LRTM1: variants seen among roughly 807,000 people sequenced by gnomAD.
LRTM1 encodes the protein leucine rich repeat transmembrane protein 1.
A neutral mutation model predicts 32.4 loss-of-function variants in LRTM1; 38 were observed. That is an observed-to-expected ratio of 1.17 (90% CI 0.91 to 1.54). LRTM1 has a LOEUF of 1.54. LRTM1 is among the 40% of genes most tolerant of loss of function. The probability of loss-of-function intolerance (pLI) is 0.00; values close to 1 mark genes in which losing one functional copy is unlikely to be tolerated. For synonymous variants in LRTM1, 186 were observed against 169.9 expected, an observed-to-expected ratio of 1.09 and a Z score of -0.74; for missense variants, 466 against 415.4, an observed-to-expected ratio of 1.12 and a Z score of -1.06.
chr3:54,950,276 A>G (rs891780616), intron 1 of LRTM1, among the ~76,000 whole-genome samples: 9 of 152,236 alleles, frequency 5.9e-5, no homozygotes, highest in Non-Finnish European at 8.8e-5. Context: ...ACTGGCCCAA[A>G]TGAACGTAGA....
At chr3:54,966,423 G>A (rs1406722066) in intron 1 of LRTM1, among the ~76,000 whole-genome samples, 1 of 152,234 alleles carries the variant, frequency 6.6e-6, no homozygotes, top group African/African-American at 2.4e-5. Flanking sequence ...TTTGTGTTGT[G>A]TAGTCTGGCC....
intron 1 of LRTM1, among the ~76,000 whole-genome samples, chr3:54,945,004 T>C (rs965843522): frequency 1.3e-5 from 2 of 152,094 alleles, no homozygotes; most frequent in African/African-American, 4.8e-5. Flanking sequence ...TACTATTGGG[T>C]GAATCAATGA....
At position 54,925,163 on chromosome 3, in the gene LRTM1, G is replaced by T. The variant is rs754135708; in HGVS notation, c.60C>A (p.Ser20Arg). ...ACTGACAGTAACACTTGTCCGGGCAGCTGCATACCACCTGGAGCAGGACAA... is the reference window on the plus strand; with the variant it reads ...ACTGACAGTAACACTTGTCCGGGCATCTGCATACCACCTGGAGCAGGACAA... ...SVIVLLQVVC[S>R]CPDKCYCQSS... Residue 20 changes from serine to arginine, a missense_variant, in exon 2 of 3, where the codon AGC (serine) becomes AGA (arginine). Transcript: ENST00000273286. 2.5e-6 allele frequency: 4 copies of T among 1,613,968 alleles called. No individual in the cohort carries two copies. Among genetic ancestry groups the T allele is most frequent in the African/African-American group, 1.3e-5 (1 of 74,926 alleles).
intron 1 of LRTM1, among the ~76,000 whole-genome samples, chr3:54,952,413 G>A (rs1161197713): frequency 2.6e-5 from 4 of 152,178 alleles, no homozygotes; most frequent in Admixed American, 1.3e-4. Context: ...GATGTCATGA[G>A]CATCTTAGGA....
At chr3:54,922,180 TA>T (rs1700872309) in intron 2 of LRTM1, among the ~76,000 whole-genome samples, 1 of 152,130 alleles carries the variant, frequency 6.6e-6, no homozygotes, top group Admixed American at 6.5e-5. Flanking sequence ...CTCCCTGACT[TA>T]AAACTATCAG....
intron 1 of LRTM1, among the ~76,000 whole-genome samples, chr3:54,946,332 A>C (rs1300672587): frequency 2.6e-5 from 4 of 152,062 alleles, no homozygotes; most frequent in Admixed American, 2.6e-4. Context: ...AGACCACCAC[A>C]ATGGTTATTG....
upstream of LRTM1, among the ~76,000 whole-genome samples, chr3:54,931,096 A>G (rs2106956194): frequency 6.6e-6 from 1 of 152,234 alleles, no homozygotes; most frequent in South Asian, 2.1e-4. Flanking sequence ...ACTCCTTCTC[A>G]AAACAAAACA....
chr3:54,949,413 G>C (rs1467664111), intron 1 of LRTM1, among the ~76,000 whole-genome samples: 2 of 152,172 alleles, frequency 1.3e-5, no homozygotes, highest in African/African-American at 2.4e-5. Context: ...TTCCAGCTCA[G>C]CTGGAGTTCA....
exon 1 of LRTM1, chr3:54,967,066 G>A (rs554237628): frequency 1.6e-4 from 24 of 152,316 alleles, no homozygotes; most frequent in African/African-American, 2.6e-4. Context: ...CCTGGGCACC[G>A]ACATGGTGCA....
At chr3:54,928,594 C>A (rs944681899), upstream of LRTM1, among the ~76,000 whole-genome samples, 6 of 152,116 alleles carry the variant, frequency 3.9e-5, no homozygotes, top group Admixed American at 2.6e-4. Flanking sequence ...GGTCTTGATG[C>A]CCTGAAATTC....
At chr3:54,947,638 G>A (rs1212494077) in intron 1 of LRTM1, among the ~76,000 whole-genome samples, 1 of 152,090 alleles carries the variant, frequency 6.6e-6, no homozygotes, top group African/African-American at 2.4e-5. Context: ...AGACTTAGTA[G>A]CAGGCAAAGG....
chr3:54,925,258 A>T, intron 1 of LRTM1, 43 bp from the exon 2 acceptor site: 1 of 1,516,948 alleles, frequency 6.6e-7, no homozygotes, highest in Non-Finnish European at 9.1e-7. Context: ...CCAGTTTGTG[A>T]GGTGTGGTAT....
Position 54,928,034 on chromosome 3 carries a change from C to T in LRTM1, c.-123G>A. 1.1e-6 allele frequency: 1 copy of T among 885,376 alleles called. No individual in the cohort carries two copies. The allele number at this position is 885,376 out of a possible 1,614,324, so 54.8% of individuals were successfully genotyped here. A position where few individuals can be genotyped will look rare whatever the true frequency, so the allele number is the denominator to read the frequency against. ...TACATTCAGTCTTTCTGAACCCTGC[C>T]CTTGCTTTTCTTCAATGCAGAAAAC... On this transcript the variant is annotated 5_prime_UTR_variant, in exon 1 of 3. Coordinates refer to ENST00000273286, the MANE Select transcript of LRTM1 (RefSeq NM_020678.4).
intron 1 of LRTM1, among the ~76,000 whole-genome samples, chr3:54,952,181 T>C (rs1282518525): frequency 6.6e-6 from 1 of 152,196 alleles, no homozygotes. Flanking sequence ...CCTGCACCCC[T>C]GTTGGTTCTA....
In LRTM1 at chr3:54,928,009, T is replaced by TAAA; in HGVS notation, c.-99_-98insTTT. On this transcript the variant is annotated 5_prime_UTR_variant, in exon 1 of 3. An upstream open reading frame in the 5' UTR loses its in-frame stop. Transcript: ENST00000273286. Reference sequence around the variant, plus strand: ...GCATGGCAGACTCAGAGCCCAGCTTTACATTCAGTCTTTCTGAACCCTGCC... The same window carrying TAAA: ...GCATGGCAGACTCAGAGCCCAGCTTTAAAACATTCAGTCTTTCTGAACCCTGCC... 1 of 1,125,628 alleles carries TAAA rather than the reference T, an allele frequency of 8.9e-7. No individual in the cohort carries two copies. The highest frequency in any genetic ancestry group is 1.3e-6 in the Non-Finnish European group (1 of 743,076). The allele number at this position is 1,125,628 out of a possible 1,614,324, so 69.7% of individuals were successfully genotyped here. A position where few individuals can be genotyped will look rare whatever the true frequency, so the allele number is the denominator to read the frequency against.
At chr3:54,937,538 C>A (rs557916102) in intron 1 of LRTM1, among the ~76,000 whole-genome samples, 1 of 152,078 alleles carries the variant, frequency 6.6e-6, no homozygotes, top group Admixed American at 6.5e-5. Flanking sequence ...AGTTCAAACT[C>A]GTGTTGTGCA....
intron 1 of LRTM1, among the ~76,000 whole-genome samples, chr3:54,950,220 A>G (rs1172446845): frequency 6.6e-6 from 1 of 152,228 alleles, no homozygotes; most frequent in Non-Finnish European, 1.5e-5. Flanking sequence ...AAACTTCAAC[A>G]TGCTCAAGCA....
Position 54,918,530 on chromosome 3 carries a change from C to A in LRTM1, c.967G>T (p.Gly323Ter). 6.2e-7 allele frequency: 1 copy of A among 1,613,896 alleles called. No homozygotes were observed. The highest frequency in any genetic ancestry group is 1.7e-5 in the Admixed American group (1 of 59,998). ...YAAITAQYHGGPLAQTNDPGK... is the reference protein window; with the variant it reads ...YAAITAQYHG ...GGATCATTGGTTTGAGCCAAGGGTC[C>A]CCCATGGTACTGGGCTGTGATTGCC... Residue 323 changes from glycine (G) to a stop codon, truncating the protein, a stop_gained, in exon 3 of 3, where the codon GGA (glycine) becomes TGA (stop). Transcript: ENST00000273286. LOFTEE classifies it high-confidence loss of function.
At position 54,918,899 on chromosome 3, in the gene LRTM1, A is replaced by G. The variant is rs1700749948; in HGVS notation, c.605-7T>C. The G allele has an allele frequency of 6.6e-7, 1 of 1,517,628 alleles. No individual in the cohort carries two copies. Among genetic ancestry groups the G allele is most frequent in the Admixed American group, 2.2e-5 (1 of 44,966 alleles). 94.0% of individuals were successfully genotyped at this position (1,517,628 alleles called of 1,614,324 possible). Reference sequence around the variant, plus strand: ...ATGCCGTCTGTTAGTCCCCCTTTAAAAAACAAAAGCAAAGAACAATAACAA... The same window carrying G: ...ATGCCGTCTGTTAGTCCCCCTTTAAGAAACAAAAGCAAAGAACAATAACAA... On this transcript the variant is annotated splice_polypyrimidine_tract_variant and splice_region_variant and intron_variant, in intron 2 of 2. Coordinates refer to ENST00000273286, the MANE Select transcript of LRTM1 (RefSeq NM_020678.4).
Sources: allele counts gnomAD v4.1 joint callset (sites outside exome capture counted in the v4.1 genomes callset), GRCh38; gene constraint gnomAD v4.1.1; transcripts MANE v1.5; gene names NCBI Gene and HGNC (gene_info 2026-07-23, HGNC 2026-07-21).